The following NOL4 variants were observed in gnomAD, a reference collection of about 807,000 sequenced individuals.
NOL4 encodes the protein cancer/testis antigen 125.
A neutral mutation model predicts 75.9 loss-of-function variants in NOL4; 17 were observed. The observed-to-expected ratio is 0.22, with a 90% confidence interval of 0.15 to 0.34. The LOEUF (loss-of-function observed/expected upper bound fraction) is 0.34, where lower values mean the gene tolerates loss of function less well. Ranked by LOEUF, NOL4 falls within the 10% of genes least tolerant of loss-of-function variation. The pLI, the probability that NOL4 is intolerant of heterozygous loss-of-function variation, is 1.00. For synonymous variants in NOL4, 292 were observed against 289.9 expected, an observed-to-expected ratio of 1.01 and a Z score of -0.07; for missense variants, 614 against 793.5, an observed-to-expected ratio of 0.77 and a Z score of 2.72.
intron 5 of NOL4, among the ~76,000 whole-genome samples, chr18:34,051,434 C>A (rs2076621124): frequency 6.6e-6 from 1 of 151,888 alleles, no homozygotes; most frequent in South Asian, 2.1e-4. Flanking sequence ...TTCTTTTATA[C>A]TTTTTATAGT....
chr18:33,862,532 G>A (rs78658512), intron 10 of NOL4, among the ~76,000 whole-genome samples: 23,081 of 151,954 alleles, frequency 0.15, 1,880 homozygotes, highest in Non-Finnish European at 0.18. Flanking sequence ...CTGACAAAGG[G>A]CTAATATCCA....
chr18:34,062,162 C>T (rs945984230), intron 5 of NOL4, among the ~76,000 whole-genome samples: 5 of 151,810 alleles, frequency 3.3e-5, no homozygotes, highest in African/African-American at 4.8e-5. Flanking sequence ...TTCTGTTCAC[C>T]GACGTAACAA....
intron 6 of NOL4, among the ~76,000 whole-genome samples, chr18:33,998,910 T>C (rs1245850094): frequency 6.6e-6 from 1 of 152,106 alleles, no homozygotes; most frequent in East Asian, 1.9e-4. Flanking sequence ...TTCATCACCA[T>C]ATACTTATAG....
Position 34,047,805 on chromosome 18 carries a change from G to A in NOL4, c.773-28204C>T, listed in dbSNP as rs145646483. On this transcript the variant is annotated intron_variant, in intron 5 of 10. Transcript: ENST00000261592. Reference sequence around the variant, plus strand: ...CCACATAGACGTAGACATCCCCCCAGAACAAAATCCATCTGAGGCGATCAA... The same window carrying A: ...CCACATAGACGTAGACATCCCCCCAAAACAAAATCCATCTGAGGCGATCAA... 6.8e-4 allele frequency among the ~76,000 whole-genome samples: 103 copies of A among 152,128 alleles called. 2 individuals are homozygous for A. The highest frequency in any genetic ancestry group is 2.5e-3 in the African/African-American group (102 of 41,524).
chr18:34,184,398 A>G (rs1600821038), intron 1 of NOL4, among the ~76,000 whole-genome samples: 1 of 152,124 alleles, frequency 6.6e-6, no homozygotes, highest in African/African-American at 2.4e-5. Context: ...ATGGAAAAGC[A>G]GCATGAAAAA....
chr18:33,857,446 G>A (rs2062888070), intron 10 of NOL4, among the ~76,000 whole-genome samples: 1 of 151,962 alleles, frequency 6.6e-6, no homozygotes, highest in African/African-American at 2.4e-5. Context: ...TATAAGTATT[G>A]TTTTATCTTG....
intron 5 of NOL4, among the ~76,000 whole-genome samples, chr18:34,034,895 T>C (rs1298365703): frequency 6.6e-6 from 1 of 151,648 alleles, no homozygotes; most frequent in Non-Finnish European, 1.5e-5. Flanking sequence ...ATAAAACAGC[T>C]AGAGGATATA....
At chr18:34,197,057 C>G (rs1203579719) in intron 1 of NOL4, among the ~76,000 whole-genome samples, 1 of 151,680 alleles carries the variant, frequency 6.6e-6, no homozygotes. Context: ...ATCCATTACT[C>G]TCATTTATAG....
intron 10 of NOL4, among the ~76,000 whole-genome samples, chr18:33,881,508 G>T (rs868425481): frequency 3.9e-5 from 6 of 151,960 alleles, no homozygotes; most frequent in African/African-American, 1.5e-4. Flanking sequence ...GGATGTGAAG[G>T]ACCTCTTCAA....
chr18:33,989,570 TAG>T (rs2072762761), intron 6 of NOL4, among the ~76,000 whole-genome samples: 1 of 152,210 alleles, frequency 6.6e-6, no homozygotes, highest in African/African-American at 2.4e-5. Context: ...TTATTTTCTG[TAG>T]AGACAGAGGG....
chr18:34,105,389 T>A (rs1290820410), intron 2 of NOL4, among the ~76,000 whole-genome samples: 1 of 151,938 alleles, frequency 6.6e-6, no homozygotes, highest in African/African-American at 2.4e-5. Flanking sequence ...ATCAACCACA[T>A]CTCGATGGGC....
At chr18:33,916,415 G>A (rs2066723898) in intron 9 of NOL4, among the ~76,000 whole-genome samples, 1 of 152,084 alleles carries the variant, frequency 6.6e-6, no homozygotes, top group South Asian at 2.1e-4. Context: ...GCTCATCAGA[G>A]AACAATCTTT....
chr18:34,143,881 A>C (rs1353395529), intron 1 of NOL4, among the ~76,000 whole-genome samples: 10 of 151,784 alleles, frequency 6.6e-5, no homozygotes, highest in East Asian at 3.9e-4. Flanking sequence ...AAAAAAAAAA[A>C]AAAAACCTGA....
intron 5 of NOL4, among the ~76,000 whole-genome samples, chr18:34,066,865 A>G (rs2077300537): frequency 6.6e-6 from 1 of 152,046 alleles, no homozygotes; most frequent in African/African-American, 2.4e-5. Context: ...ATTACTATAA[A>G]ACAAAGAAGG....
At chr18:33,920,306 T>G (rs1055367314) in intron 9 of NOL4, among the ~76,000 whole-genome samples, 2 of 152,176 alleles carry the variant, frequency 1.3e-5, no homozygotes, top group Non-Finnish European at 2.9e-5. Flanking sequence ...CCCAAATCTT[T>G]AAATAAATAA....
At chr18:33,901,386 G>A (rs2065741417) in intron 9 of NOL4, among the ~76,000 whole-genome samples, 1 of 152,026 alleles carries the variant, frequency 6.6e-6, no homozygotes, top group Admixed American at 6.6e-5. Context: ...TGGTTAACAG[G>A]GAAATAAATT....
chr18:33,927,567 C>G (rs757664607), intron 9 of NOL4, among the ~76,000 whole-genome samples: 1 of 151,934 alleles, frequency 6.6e-6, no homozygotes, highest in African/African-American at 2.4e-5. Flanking sequence ...CAAAGGAAGA[C>G]GACACTGATA....
intron 5 of NOL4, among the ~76,000 whole-genome samples, chr18:34,024,194 AAT>A (rs1555696185): frequency 0.012 from 823 of 70,702 alleles, 42 homozygotes; most frequent in Middle Eastern, 0.019. Context: ...AAAAAAAAAA[AAT>A]ATATATATAT....
intron 10 of NOL4, among the ~76,000 whole-genome samples, chr18:33,860,801 A>G (rs1401981755): frequency 1.7e-4 from 26 of 152,036 alleles, no homozygotes; most frequent in Non-Finnish European, 7.4e-5. Context: ...ATTTTGAGAT[A>G]CGTCCCATCA....
Sources: gnomAD v4.1 joint callset for allele counts (sites outside exome capture counted in the v4.1 genomes callset) on GRCh38, gnomAD v4.1.1 for gene constraint, MANE v1.5 for transcripts, NCBI Gene and HGNC (gene_info 2026-07-23, HGNC 2026-07-21) for gene names.